The following NT5E variants were observed in gnomAD, a reference collection of about 807,000 sequenced individuals.
The protein encoded by NT5E is 5'-nucleotidase ecto, also known as 5'-nucleotidase.
NT5E carries 53 observed loss-of-function variants against 55.1 expected under a neutral mutation model. The ratio of observed to expected loss-of-function variants is 0.96; its 90% CI spans 0.77 to 1.21. The LOEUF (loss-of-function observed/expected upper bound fraction) is 1.21, where lower values mean the gene tolerates loss of function less well. Among genes scored for constraint, NT5E ranks in the 50% most tolerant of loss-of-function variants. The probability of loss-of-function intolerance (pLI) is 0.00; values close to 1 mark genes in which losing one functional copy is unlikely to be tolerated. For missense variants in NT5E, 683 were observed against 724.3 expected (o/e 0.94, Z 0.65); for synonymous variants, 270 against 278.4 (o/e 0.97, Z 0.30).
chr6:85,476,230 T>C (rs1455631915), intron 3 of NT5E, among the ~76,000 whole-genome samples: 1 of 152,190 alleles, frequency 6.6e-6, no homozygotes, highest in Non-Finnish European at 1.5e-5. Context: ...TTCAGCAACT[T>C]CACTTCTGGG....
chr6:85,486,153 T>TCA, intron 4 of NT5E, among the ~76,000 whole-genome samples: 1 of 152,180 alleles, frequency 6.6e-6, no homozygotes, highest in South Asian at 2.1e-4. Context: ...AAGTAATTCT[T>TCA]TAACATAACA....
intron 4 of NT5E, among the ~76,000 whole-genome samples, 153 bp downstream of exon 4, chr6:85,485,585 T>C (rs1769637027): frequency 6.6e-6 from 1 of 152,214 alleles, no homozygotes; most frequent in African/African-American, 2.4e-5. Context: ...TCTTCATGGA[T>C]AGATTTAAAA....
intron 3 of NT5E, among the ~76,000 whole-genome samples, chr6:85,480,138 T>C (rs1188313534): frequency 6.6e-6 from 1 of 152,142 alleles, no homozygotes; most frequent in Non-Finnish European, 1.5e-5. Flanking sequence ...ACTAAATGTG[T>C]GGTGAACTGT....
intron 1 of NT5E, among the ~76,000 whole-genome samples, chr6:85,462,063 C>G (rs555703371): frequency 6.6e-5 from 10 of 152,072 alleles, no homozygotes; most frequent in Non-Finnish European, 2.9e-5. Context: ...GCCCTCATGC[C>G]CAGCCAGCTG....
chr6:85,492,094 A>G lies in NT5E; in HGVS notation c.1478A>G (p.Tyr493Cys), dbSNP rs151304292. Residue 493 changes from tyrosine (Y) to cysteine (C), a missense_variant, in exon 8 of 9, where the codon TAT (tyrosine) becomes TGT (cysteine). Physicochemically the swap from Tyr to Cys is radical, Grantham distance 194. Coordinates refer to ENST00000257770, the MANE Select transcript of NT5E (RefSeq NM_002526.4). ...GACCCTCTCAAAATGGACGAGGTATATAAGGTGATCCTCCCAAACTTCCTG... is the reference window on the plus strand; with the variant it reads ...GACCCTCTCAAAATGGACGAGGTATGTAAGGTGATCCTCCCAAACTTCCTG... ...SYDPLKMDEVYKVILPNFLAN... is the reference protein window; with the variant it reads ...SYDPLKMDEVCKVILPNFLAN... 2.5e-5 allele frequency: 41 copies of G among 1,614,096 alleles called. No homozygotes were observed. Among genetic ancestry groups the G allele is most frequent in the Non-Finnish European group, 3.4e-5 (40 of 1,180,028 alleles).
chr6:85,462,443 G>A (rs983230382), intron 1 of NT5E, among the ~76,000 whole-genome samples: 2 of 152,078 alleles, frequency 1.3e-5, no homozygotes, highest in Admixed American at 1.3e-4. Flanking sequence ...CAAATCACCT[G>A]GATGCCATGA....
chr6:85,484,495 G>A (rs1364467561), intron 3 of NT5E, among the ~76,000 whole-genome samples: 2 of 152,164 alleles, frequency 1.3e-5, no homozygotes, highest in Non-Finnish European at 2.9e-5. Flanking sequence ...TTGAGACAGA[G>A]GCCTGCAGAA....
At chr6:85,468,398 A>G (rs1769237837) in intron 2 of NT5E, among the ~76,000 whole-genome samples, 1 of 152,184 alleles carries the variant, frequency 6.6e-6, no homozygotes, top group Non-Finnish European at 1.5e-5. Flanking sequence ...CTTGCTGAAG[A>G]ACCTCCTTGG....
chr6:85,482,139 C>T (rs1769562328), intron 3 of NT5E, among the ~76,000 whole-genome samples: 1 of 152,222 alleles, frequency 6.6e-6, no homozygotes, highest in African/African-American at 2.4e-5. Context: ...AATTCTTAAA[C>T]CAGTTCTTGT....
At chr6:85,484,995 C>T (rs1582384995) in intron 3 of NT5E, among the ~76,000 whole-genome samples, 2 of 152,220 alleles carry the variant, frequency 1.3e-5, no homozygotes, top group South Asian at 2.1e-4. Flanking sequence ...GCACAATGCC[C>T]GGGTCTTAGG....
At chr6:85,481,313 G>T (rs574244483) in intron 3 of NT5E, among the ~76,000 whole-genome samples, 74 of 152,120 alleles carry the variant, frequency 4.9e-4, no homozygotes, top group Non-Finnish European at 9.8e-4. Context: ...GAAAGGAAAA[G>T]TACAAGATGC....
intron 1 of NT5E, among the ~76,000 whole-genome samples, chr6:85,463,109 C>A (rs1450834044): frequency 6.6e-6 from 1 of 151,976 alleles, no homozygotes; most frequent in Non-Finnish European, 1.5e-5. Flanking sequence ...TTTTCTCCTA[C>A]ATAAAGAAAG....
At position 85,473,259 on chromosome 6, in the gene NT5E, A is replaced by G. The variant is rs182701278; in HGVS notation, c.751+1834A>G. On this transcript the variant is annotated intron_variant, in intron 3 of 8. Coordinates refer to ENST00000257770, the MANE Select transcript of NT5E (RefSeq NM_002526.4). ...GGTGGGGTCCTTTCAATGCCTGATT[A>G]CCCTCATCTGTGGAATGAAGGTGAT... Among the ~76,000 whole-genome samples, 39 of 152,240 alleles carry G rather than the reference A, an allele frequency of 2.6e-4. 1 individual carries two copies. The highest frequency in any genetic ancestry group is 2.5e-3 in the Admixed American group (39 of 15,300).
chr6:85,473,717 T>G (rs928119302), intron 3 of NT5E, among the ~76,000 whole-genome samples: 1 of 152,212 alleles, frequency 6.6e-6, no homozygotes, highest in Non-Finnish European at 1.5e-5. Context: ...TTTACTGTTT[T>G]ATTCACTTAA....
At chr6:85,460,662 C>T (rs1250840682) in intron 1 of NT5E, among the ~76,000 whole-genome samples, 1 of 152,146 alleles carries the variant, frequency 6.6e-6, no homozygotes, top group African/African-American at 2.4e-5. Context: ...TTTCCCAAAG[C>T]TCTTCCAAGG....
At chr6:85,484,516 G>A (rs528342249) in intron 3 of NT5E, among the ~76,000 whole-genome samples, 2 of 152,288 alleles carry the variant, frequency 1.3e-5, no homozygotes, top group Non-Finnish European at 2.9e-5. Context: ...CCTGACCAGT[G>A]TGAGGGCTGG....
At chr6:85,489,888 T>C (rs1348095643) in intron 6 of NT5E, among the ~76,000 whole-genome samples, 1 of 152,228 alleles carries the variant, frequency 6.6e-6, no homozygotes, top group Non-Finnish European at 1.5e-5. Context: ...TACAAAGCTA[T>C]ACTAGTTGTT....
intron 1 of NT5E, among the ~76,000 whole-genome samples, chr6:85,465,078 G>A (rs1307773002): frequency 1.3e-5 from 2 of 152,240 alleles, no homozygotes; most frequent in South Asian, 4.1e-4. Context: ...GTATGAGTAG[G>A]AATGAGATCA....
At chr6:85,478,043 A>T (rs112975163) in intron 3 of NT5E, among the ~76,000 whole-genome samples, 9 of 151,486 alleles carry the variant, frequency 5.9e-5, no homozygotes, top group Non-Finnish European at 8.8e-5. Flanking sequence ...AAAAAAAAAA[A>T]GGATTTTGCT....
Sources: allele counts gnomAD v4.1 joint callset (sites outside exome capture counted in the v4.1 genomes callset), GRCh38; gene constraint gnomAD v4.1.1; transcripts MANE v1.5; gene names NCBI Gene and HGNC (gene_info 2026-07-23, HGNC 2026-07-21).